ATXN10: variants seen among roughly 807,000 people sequenced by gnomAD.
The protein encoded by ATXN10 is ataxin-10.
In ATXN10, 28 loss-of-function variants were observed where a neutral mutation model predicts 52.9. The ratio of observed to expected loss-of-function variants is 0.53; its 90% CI spans 0.39 to 0.73. The LOEUF (loss-of-function observed/expected upper bound fraction) is 0.73, where lower values mean the gene tolerates loss of function less well. Among genes scored for constraint, ATXN10 ranks in the 30% least tolerant of loss-of-function variants. ATXN10 has a pLI of 0.00. For missense variants in ATXN10, 565 were observed against 577.0 expected (o/e 0.98, Z 0.21); for synonymous variants, 226 against 221.5 (o/e 1.02, Z -0.18).
At chr22:45,724,387 T>C (rs1472677556) in intron 6 of ATXN10, among the ~76,000 whole-genome samples, 2 of 152,340 alleles carry the variant, frequency 1.3e-5, no homozygotes, top group African/African-American at 4.8e-5. Flanking sequence ...TGGCATCTCA[T>C]TGTGGTTTTA....
At chr22:45,838,519 C>T (rs1427822163) in intron 10 of ATXN10, among the ~76,000 whole-genome samples, 1 of 152,222 alleles carries the variant, frequency 6.6e-6, no homozygotes, top group Non-Finnish European at 1.5e-5. Flanking sequence ...TAAAGCTAAG[C>T]ATACAATAAA....
intron 6 of ATXN10, among the ~76,000 whole-genome samples, chr22:45,723,605 C>T (rs1361032708): frequency 6.6e-6 from 1 of 152,156 alleles, no homozygotes; most frequent in African/African-American, 2.4e-5. Context: ...TTAACTCCCA[C>T]TTGTAAGTGA....
rs983603087 is a variant in ATXN10, at chr22:45,762,876, T to C, written c.1173+22338T>C. On this transcript the variant is annotated intron_variant, in intron 9 of 11. Transcript: ENST00000252934. This position sits in a 1 kb window ranked among gnomAD's most constrained non-coding sequence, Gnocchi z 4.3. The stretch of plus-strand genomic sequence containing the variant: ...CCCTTGGGTCTGTCTCCATCCCTGT[T>C]GTAGTCCCTCACAGCCCAGACTGTG... 3.9e-5 allele frequency among the ~76,000 whole-genome samples: 6 copies of C among 152,170 alleles called. No homozygotes were observed. Among genetic ancestry groups the C allele is most frequent in the African/African-American group, 1.2e-4 (5 of 41,450 alleles).
In ATXN10 at chr22:45,818,682, G is replaced by A. The variant is rs186965261; in HGVS notation, c.1237+11660G>A. Among the ~76,000 whole-genome samples, 47 of 152,194 alleles carry A rather than the reference G, an allele frequency of 3.1e-4. No homozygotes were observed. Among genetic ancestry groups the A allele is most frequent in the Non-Finnish European group, 5.4e-4 (37 of 68,000 alleles). On this transcript the variant is annotated intron_variant, in intron 10 of 11. Coordinates refer to ENST00000252934, the MANE Select transcript of ATXN10 (RefSeq NM_013236.4). This position sits in a 1 kb window ranked among gnomAD's most constrained non-coding sequence, Gnocchi z 4.6. ...TCACGCAGGAAGCTGTGTGAAAGAG[G>A]TGTGGGAAGCTGCTTCCCTGGACTT...
rs1336168471 is a variant in ATXN10, at chr22:45,818,996, T to C, written c.1237+11974T>C. ...TGACACGTAGGGAAAACATGAGAAA[T>C]CCATGCCTAAATAATTTCACCTTAA... is the stretch of plus-strand genomic sequence containing the variant. On this transcript the variant is annotated intron_variant, in intron 10 of 11. Coordinates refer to ENST00000252934, the MANE Select transcript of ATXN10 (RefSeq NM_013236.4). This position sits in a 1 kb window ranked among gnomAD's most constrained non-coding sequence, Gnocchi z 4.6. Among the ~76,000 whole-genome samples, 2 of 152,022 alleles carry C rather than the reference T, an allele frequency of 1.3e-5. No homozygotes were observed.
rs1211286553 is a variant in ATXN10, at chr22:45,784,195, A to C, written c.1174-22764A>C. ...GTACAATTTTTAAAAAAAAATGTAC[A>C]TTTTTAAATTAGGCAGATCTGGGCT... On this transcript the variant is annotated intron_variant, in intron 9 of 11. Transcript: ENST00000252934. The surrounding 1 kb of genome is among the most constrained non-coding windows in gnomAD (Gnocchi z 4.2). Among the ~76,000 whole-genome samples, 1 of 152,168 alleles carries C rather than the reference A, an allele frequency of 6.6e-6. No individual in the cohort carries two copies. Among genetic ancestry groups the C allele is most frequent in the Non-Finnish European group, 1.5e-5 (1 of 68,032 alleles).
intron 5 of ATXN10, among the ~76,000 whole-genome samples, chr22:45,707,570 GT>G (rs1224481589): frequency 2.7e-5 from 4 of 149,366 alleles, no homozygotes; most frequent in Admixed American, 2.0e-4. Flanking sequence ...ATCATCTGCA[GT>G]TTTTTTTTAG....
chr22:45,743,456 C>T (rs1000808590), intron 9 of ATXN10, among the ~76,000 whole-genome samples: 3 of 152,272 alleles, frequency 2.0e-5, no homozygotes, highest in South Asian at 4.1e-4. Flanking sequence ...GGAATTCACT[C>T]GCACTCAGAT....
At chr22:45,839,001 C>T (rs1929259399) in intron 10 of ATXN10, among the ~76,000 whole-genome samples, 1 of 152,226 alleles carries the variant, frequency 6.6e-6, no homozygotes, top group Non-Finnish European at 1.5e-5. Flanking sequence ...GCAAACTTCA[C>T]ATCTGCCTAA....
chr22:45,793,642 CT>C, intron 9 of ATXN10: 1 of 1,391,306 alleles, frequency 7.2e-7, no homozygotes, highest in Non-Finnish European at 9.4e-7. Context: ...TTCCACCAGC[CT>C]TTGCCAAGGA....
At position 45,728,107 on chromosome 22, in the gene ATXN10, G is replaced by A. The variant is rs189607622; in HGVS notation, c.729-1318G>A. ...TTATATTCAATGTTAATACTGAGAT[G>A]TGAGGTACTATCCCAGCCATCATGT... On this transcript the variant is annotated intron_variant, in intron 6 of 11. Transcript: ENST00000252934. This position sits in a 1 kb window ranked among gnomAD's most constrained non-coding sequence, Gnocchi z 4.3. Among the ~76,000 whole-genome samples, 1 of 152,048 alleles carries A rather than the reference G, an allele frequency of 6.6e-6. No homozygotes were observed. Among genetic ancestry groups the A allele is most frequent in the African/African-American group, 2.4e-5 (1 of 41,466 alleles).
At chr22:45,832,924 C>T (rs530676493) in intron 10 of ATXN10, among the ~76,000 whole-genome samples, 13 of 152,290 alleles carry the variant, frequency 8.5e-5, no homozygotes, top group African/African-American at 3.1e-4. Context: ...GACCACTTGG[C>T]TTTTAAATAG....
At chr22:45,702,351 T>G (rs1324201986) in intron 4 of ATXN10, among the ~76,000 whole-genome samples, 1 of 152,200 alleles carries the variant, frequency 6.6e-6, no homozygotes, top group Non-Finnish European at 1.5e-5. Flanking sequence ...CATTGAGGTA[T>G]CATTTTGTAC....
At chr22:45,811,793 G>A (rs1198002857) in intron 10 of ATXN10, 1 of 470,872 alleles carries the variant, frequency 2.1e-6, no homozygotes, top group Admixed American at 2.4e-5. Flanking sequence ...GCTGGGTCCA[G>A]GTGATTTTTG....
chr22:45,780,651 A>G lies in ATXN10; in HGVS notation c.1174-26308A>G, dbSNP rs1393517204. On this transcript the variant is annotated intron_variant, in intron 9 of 11. Coordinates refer to ENST00000252934, the MANE Select transcript of ATXN10 (RefSeq NM_013236.4). This position sits in a 1 kb window ranked among gnomAD's most constrained non-coding sequence, Gnocchi z 4.0. ...AACAGTGCTGGCCAATGCTTAGTACATATTAACTGCCTTTATTTTTGTTTG... is the reference window on the plus strand; with the variant it reads ...AACAGTGCTGGCCAATGCTTAGTACGTATTAACTGCCTTTATTTTTGTTTG... 2.0e-5 allele frequency among the ~76,000 whole-genome samples: 3 copies of G among 152,342 alleles called. No individual in the cohort carries two copies. The highest frequency in any genetic ancestry group is 4.4e-5 in the Non-Finnish European group (3 of 68,024).
At position 45,786,879 on chromosome 22, in the gene ATXN10, G is replaced by GGCTTT. The variant is rs1447800592; in HGVS notation, c.1174-20079_1174-20078insCTTTG. 6.6e-6 allele frequency among the ~76,000 whole-genome samples: 1 copy of GGCTTT among 152,064 alleles called. No homozygotes were observed. The highest frequency in any genetic ancestry group is 1.5e-5 in the Non-Finnish European group (1 of 67,996). ...GTATGTCTCAAAGACACTCAAAGAT[G>GGCTTT]GTTTTGTTTTGTTTTTGTCCAGTAA... is the stretch of plus-strand genomic sequence containing the variant. On this transcript the variant is annotated intron_variant, in intron 9 of 11. Coordinates refer to ENST00000252934, the MANE Select transcript of ATXN10 (RefSeq NM_013236.4). The surrounding 1 kb of genome is among the most constrained non-coding windows in gnomAD (Gnocchi z 4.1).
At chr22:45,743,826 G>A (rs979267522) in intron 9 of ATXN10, among the ~76,000 whole-genome samples, 5 of 152,208 alleles carry the variant, frequency 3.3e-5, no homozygotes, top group Non-Finnish European at 2.9e-5. Context: ...TTTAAGGAGA[G>A]GCCATCCAGT....
chr22:45,768,886 T>A (rs758060964), intron 9 of ATXN10, among the ~76,000 whole-genome samples: 1 of 152,220 alleles, frequency 6.6e-6, no homozygotes, highest in South Asian at 2.1e-4. Context: ...TAAGAAATTG[T>A]AATTAATCTT....
intron 9 of ATXN10, among the ~76,000 whole-genome samples, chr22:45,801,524 A>G (rs549928138): frequency 1.3e-5 from 2 of 152,326 alleles, no homozygotes; most frequent in African/African-American, 2.4e-5. Flanking sequence ...CAATGGTACT[A>G]TATTTTTGTG....
Sources: gnomAD v4.1 joint callset for allele counts (sites outside exome capture counted in the v4.1 genomes callset) on GRCh38, gnomAD v4.1.1 for gene constraint, Gnocchi (gnomAD v3.1) non-coding constraint, MANE v1.5 for transcripts, NCBI Gene and HGNC (gene_info 2026-07-23, HGNC 2026-07-21) for gene names.